Variants in MAGOHB observed in about 807,000 individuals in gnomAD.
MAGOHB encodes mago homolog B, exon junction complex subunit, also known as protein mago nashi homolog 2.
A neutral mutation model predicts 20.9 loss-of-function variants in MAGOHB; 15 were observed. The observed-to-expected ratio is 0.72, with a 90% confidence interval of 0.48 to 1.11. The LOEUF (loss-of-function observed/expected upper bound fraction) is 1.11, where lower values mean the gene tolerates loss of function less well. MAGOHB is among the 50% of genes least tolerant of loss of function. The pLI, the probability that MAGOHB is intolerant of heterozygous loss-of-function variation, is 0.00. For missense variants in MAGOHB, 162 were observed against 177.6 expected (o/e 0.91, Z 0.50); for synonymous variants, 50 against 57.9 (o/e 0.86, Z 0.62).
intron 4 of MAGOHB, 129 bp from the exon 5 acceptor site, chr12:10,606,503 T>G: frequency 1.6e-6 from 1 of 612,712 alleles, no homozygotes; most frequent in Non-Finnish European, 2.9e-6. Context: ...GGAAGGATTT[T>G]GCTGACAACT....
In MAGOHB at chr12:10,605,682, T is replaced by G. The variant is rs1371663742; in HGVS notation, c.*593A>C. The stretch of plus-strand genomic sequence containing the variant: ...AGGAATAAAGACATAATCAAAGATA[T>G]GCCTAACATGGGGTAGACTGTACTC... On this transcript the variant is annotated 3_prime_UTR_variant, in exon 5 of 5. Coordinates refer to ENST00000320756, the MANE Select transcript of MAGOHB (RefSeq NM_018048.5). 1 of 152,126 alleles carries G rather than the reference T, an allele frequency of 6.6e-6. No individual in the cohort carries two copies. Among genetic ancestry groups the G allele is most frequent in the East Asian group, 1.9e-4 (1 of 5,198 alleles). The allele number at this position is 152,126 out of a possible 1,614,324, so 9.4% of individuals were successfully genotyped here. A position where few individuals can be genotyped will look rare whatever the true frequency, so the allele number is the denominator to read the frequency against.
In MAGOHB at chr12:10,605,529, T is replaced by C. The variant is rs190758233; in HGVS notation, c.*746A>G. ...AAACTGAAGTGAGACTCGTGGTCAA[T>C]AGGAGTTAAAAATATTTATGTACAT... is the stretch of plus-strand genomic sequence containing the variant. On this transcript the variant is annotated 3_prime_UTR_variant, in exon 5 of 5. Coordinates refer to ENST00000320756, the MANE Select transcript of MAGOHB (RefSeq NM_018048.5). The C allele has an allele frequency of 1.7e-4, 26 of 152,322 alleles. No individual in the cohort carries two copies. Among genetic ancestry groups the C allele is most frequent in the African/African-American group, 6.0e-4 (25 of 41,566 alleles). The allele number at this position is 152,322 out of a possible 1,614,324, so 9.4% of individuals were successfully genotyped here. A position where few individuals can be genotyped will look rare whatever the true frequency, so the allele number is the denominator to read the frequency against.
intron 1 of MAGOHB, chr12:10,612,602 A>G: frequency 9.8e-7 from 1 of 1,018,606 alleles, no homozygotes; most frequent in Non-Finnish European, 1.2e-6. Context: ...ACCAAGACAA[A>G]TCTGCTTTAG....
At chr12:10,600,646 C>T (rs139800391), downstream of MAGOHB, among the ~76,000 whole-genome samples, 129 of 152,296 alleles carry the variant, frequency 8.5e-4, no homozygotes, top group African/African-American at 2.9e-3. Context: ...TCCAGCAAGG[C>T]CTCACATTTT....
At chr12:10,603,843 G>C (rs961677502), downstream of MAGOHB, among the ~76,000 whole-genome samples, 1 of 152,156 alleles carries the variant, frequency 6.6e-6, no homozygotes, top group Non-Finnish European at 1.5e-5. Context: ...TAGGAATCCA[G>C]TTATTAATTA....
At chr12:10,601,625 G>A (rs11829102), downstream of MAGOHB, among the ~76,000 whole-genome samples, 18,988 of 152,164 alleles carry the variant, frequency 0.12, 3,900 homozygotes, top group African/African-American at 0.43. Context: ...GTTAAATGAG[G>A]TAAGATCCAT....
At chr12:10,610,576 G>C (rs11053879) in intron 2 of MAGOHB, 46 bp downstream of exon 2, 4 of 520,574 alleles carry the variant, frequency 7.7e-6, no homozygotes, top group Middle Eastern at 6.7e-4. Context: ...TGGGCTAAAT[G>C]CAAAAAAAAA....
At chr12:10,609,803 T>C in intron 3 of MAGOHB, 28 bp downstream of exon 3, 1 of 1,329,412 alleles carries the variant, frequency 7.5e-7, no homozygotes, top group South Asian at 1.2e-5. Flanking sequence ...TTAATATTTA[T>C]ACACTTAAAG....
intron 1 of MAGOHB, among the ~76,000 whole-genome samples, chr12:10,611,347 A>T (rs1865731215): frequency 6.6e-6 from 1 of 152,196 alleles, no homozygotes; most frequent in Non-Finnish European, 1.5e-5. Flanking sequence ...TTAATCCATC[A>T]TGATTGCTGT....
chr12:10,606,118 G>C lies in MAGOHB; in HGVS notation c.*157C>G. ...GTCCAACCCATATGGACTCAAGTAA[G>C]GATAACCATTAAGCTTGCTAATGTA... On this transcript the variant is annotated 3_prime_UTR_variant, in exon 5 of 5. Transcript: ENST00000320756. The C allele has an allele frequency of 4.0e-6, 2 of 502,226 alleles. No homozygotes were observed. Among genetic ancestry groups the C allele is most frequent in the Non-Finnish European group, 3.6e-6 (1 of 281,218 alleles). 31.1% of individuals were successfully genotyped at this position (502,226 alleles called of 1,614,324 possible).
Position 10,610,536 on chromosome 12 carries a change from T to TTTTTAAA in MAGOHB, c.153+79_153+85dup, listed in dbSNP as rs1376092009. The TTTTTAAA allele has an allele frequency of 1.6e-5, 23 of 1,403,738 alleles. No homozygotes were observed. The African/African-American group carries it at 3.1e-4, about 19-fold the overall frequency. 87.0% of individuals were successfully genotyped at this position (1,403,738 alleles called of 1,614,324 possible). On this transcript the variant is annotated intron_variant, in intron 2 of 4. Coordinates refer to ENST00000320756, the MANE Select transcript of MAGOHB (RefSeq NM_018048.5). ...TTTACAATATAGCCTTAGATGTACT[T>TTTTTAAA]TTTTAAATTCAACACAGACTTGAAG...
At chr12:10,599,880 T>C (rs180694389), downstream of MAGOHB, among the ~76,000 whole-genome samples, 915 of 152,134 alleles carry the variant, frequency 6.0e-3, 3 homozygotes, top group Non-Finnish European at 0.01. Context: ...AAAACTAATA[T>C]CATTAACAAA....
At chr12:10,606,461 A>G (rs1038902560) in intron 4 of MAGOHB, 87 bp from the exon 5 acceptor site, 40 of 717,558 alleles carry the variant, frequency 5.6e-5, no homozygotes, top group Middle Eastern at 2.4e-4. Flanking sequence ...TCAAAATCTC[A>G]TAACAATTAA....
At chr12:10,611,771 A>AAAAAAAAAAAAAAAAAAAG (rs1555146555) in intron 1 of MAGOHB, among the ~76,000 whole-genome samples, 1 of 93,114 alleles carries the variant, frequency 1.1e-5, no homozygotes, top group African/African-American at 3.9e-5. Context: ...AAAAAAAAAA[A>AAAAAAAAAAAAAAAAAAAG]AAAAGAAAAG....
intron 4 of MAGOHB, among the ~76,000 whole-genome samples, chr12:10,607,645 A>G (rs1413603804): frequency 3.9e-5 from 6 of 152,204 alleles, no homozygotes; most frequent in Non-Finnish European, 8.8e-5. Flanking sequence ...CTGTTGGATT[A>G]AAAGTTTTTG....
intron 2 of MAGOHB, 38 bp downstream of exon 2, chr12:10,610,584 A>T (rs201378198): frequency 1.7e-6 from 2 of 1,201,056 alleles, no homozygotes; most frequent in Admixed American, 7.9e-5. Context: ...ATGCAAAAAA[A>T]AAAAAAAAAA....
In MAGOHB at chr12:10,609,849, AG is replaced by A; in HGVS notation, c.245del (p.Pro82LeufsTer12). The A allele has an allele frequency of 6.2e-7, 1 of 1,609,716 alleles. No individual in the cohort carries two copies. Reference protein sequence around the residue: ...TKEDDALWPPPDRVGRQELEI... With the variant: ...TKEDDALWPPXDRVGRQELEI... The stretch of plus-strand genomic sequence containing the variant: ...TACAAACCTGTCGGCCAACCCTATC[AG>A]GGGGAGGCCACAAAGCATCATCTTC... On this transcript the variant is annotated frameshift_variant, in exon 3 of 5. Coordinates refer to ENST00000320756, the MANE Select transcript of MAGOHB (RefSeq NM_018048.5). LOFTEE classifies it high-confidence loss of function.
intron 1 of MAGOHB, among the ~76,000 whole-genome samples, chr12:10,611,105 A>C (rs57035205): frequency 0.039 from 5,932 of 152,268 alleles, 382 homozygotes; most frequent in African/African-American, 0.14. Context: ...ATAGGAGAGA[A>C]AACAAAGTTA....
intron 1 of MAGOHB, chr12:10,612,677 CGTG>C: frequency 1.7e-6 from 2 of 1,156,280 alleles, no homozygotes; most frequent in Non-Finnish European, 2.2e-6. Context: ...CAGCACAAAA[CGTG>C]CATTCAAAAA....
Sources: allele counts gnomAD v4.1 joint callset (sites outside exome capture counted in the v4.1 genomes callset), GRCh38; gene constraint gnomAD v4.1.1; transcripts MANE v1.5; gene names NCBI Gene and HGNC (gene_info 2026-07-23, HGNC 2026-07-21).